Variants in ASB13 observed in about 807,000 individuals in gnomAD.
The protein encoded by ASB13 is ankyrin repeat and SOCS box protein 13.
ASB13 carries 33 observed loss-of-function variants against 28.8 expected under a neutral mutation model. That is an observed-to-expected ratio of 1.15 (90% CI 0.87 to 1.53). The LOEUF is 1.53. Among genes scored for constraint, ASB13 ranks in the 40% most tolerant of loss-of-function variants. The probability of loss-of-function intolerance (pLI) is 0.00; values close to 1 mark genes in which losing one functional copy is unlikely to be tolerated. For missense variants in ASB13, 414 were observed against 390.1 expected (o/e 1.06, Z -0.52); for synonymous variants, 182 against 172.9 (o/e 1.05, Z -0.41).
rs1312383038 is a variant in ASB13, at chr10:5,658,610, G to A, written c.44-5560C>T. On this transcript the variant is annotated intron_variant, in intron 1 of 5. Transcript: ENST00000357700. This position sits in a 1 kb window ranked among gnomAD's most constrained non-coding sequence, Gnocchi z 4.2. ...TGGGGACAGAATTTCAGTTTTACAG[G>A]ATGAAAAAGTTCTAGAGATCTGTTA... is the stretch of plus-strand genomic sequence containing the variant. Among the ~76,000 whole-genome samples the A allele has an allele frequency of 6.6e-6, 1 of 152,116 alleles. No individual in the cohort carries two copies. The highest frequency in any genetic ancestry group is 1.5e-5 in the Non-Finnish European group (1 of 68,016).
intron 1 of ASB13, among the ~76,000 whole-genome samples, chr10:5,662,002 C>T (rs956595117): frequency 7.2e-5 from 11 of 152,040 alleles, no homozygotes; most frequent in African/African-American, 2.2e-4. Context: ...CCCATAAAGC[C>T]GGGCTGGGGC....
Position 5,651,306 on chromosome 10 carries a change from T to A in ASB13, c.289A>T (p.Ser97Cys). 6.2e-7 allele frequency: 1 copy of A among 1,613,990 alleles called. No homozygotes were observed. ...AGCAAGAGCTTCACACACTCGATGC[T>A]GCCCGAGGCGCAGGCATCGCAGAGC... is the stretch of plus-strand genomic sequence containing the variant. ...TPLCDACASGSIECVKLLLSY... is the reference protein window; with the variant it reads ...TPLCDACASGCIECVKLLLSY... The change falls in exon 3 of 6, where the codon AGC becomes TGC. Residue 97 changes from serine to cysteine, a missense_variant. Physicochemically the swap from Ser to Cys is moderately radical, Grantham distance 112. Transcript: ENST00000357700. This position sits in a 1 kb window ranked among gnomAD's most constrained non-coding sequence, Gnocchi z 5.1.
chr10:5,665,106 C>T (rs986076510), intron 1 of ASB13, among the ~76,000 whole-genome samples: 2 of 152,222 alleles, frequency 1.3e-5, no homozygotes, highest in Non-Finnish European at 2.9e-5. Flanking sequence ...ATCCACCTGC[C>T]TCGGCCTCCC....
In ASB13 at chr10:5,644,591, G is replaced by A. The variant is rs1834855075; in HGVS notation, c.518-2630C>T. Among the ~76,000 whole-genome samples the A allele has an allele frequency of 6.6e-6, 1 of 152,148 alleles. No homozygotes were observed. The highest frequency in any genetic ancestry group is 6.5e-5 in the Admixed American group (1 of 15,276). On this transcript the variant is annotated intron_variant, in intron 4 of 5. Coordinates refer to ENST00000357700, the MANE Select transcript of ASB13 (RefSeq NM_024701.4). This position sits in a 1 kb window ranked among gnomAD's most constrained non-coding sequence, Gnocchi z 5.1. The stretch of plus-strand genomic sequence containing the variant: ...CCAGCACTTTGAGAGCCTGAGGCGG[G>A]CAGATCACCTGAGGTCAGGAGTTCA...
At position 5,664,983 on chromosome 10, in the gene ASB13, A is replaced by G. The variant is rs1049247492; in HGVS notation, c.43+1526T>C. ...GTGATTCTTCTGCCTCAGTCTCCCA[A>G]GTAGCTGGAACTACAGGCACCCGCC... On this transcript the variant is annotated intron_variant, in intron 1 of 5. Transcript: ENST00000357700. The surrounding 1 kb of genome is among the most constrained non-coding windows in gnomAD (Gnocchi z 4.2). Among the ~76,000 whole-genome samples the G allele has an allele frequency of 2.0e-5, 3 of 152,080 alleles. No homozygotes were observed. Among genetic ancestry groups the G allele is most frequent in the African/African-American group, 7.2e-5 (3 of 41,474 alleles).
chr10:5,651,330 G>C lies in ASB13; in HGVS notation c.265C>G (p.Leu89Val). The C allele has an allele frequency of 6.2e-7, 1 of 1,613,112 alleles. No homozygotes were observed. The highest frequency in any genetic ancestry group is 1.7e-5 in the Admixed American group (1 of 59,816). Reference sequence around the variant, plus strand: ...CTGCCCGAGGCGCAGGCATCGCAGAGCGGGGTGCTGCCGTCGATGTTGCGA... The same window carrying C: ...CTGCCCGAGGCGCAGGCATCGCAGACCGGGGTGCTGCCGTCGATGTTGCGA... ...DARNIDGSTP[L>V]CDACASGSIE... The change falls in exon 3 of 6, where the codon CTC becomes GTC. Residue 89 changes from leucine (L) to valine (V), a missense_variant. By Grantham distance (32) the Leu-to-Val change is conservative. Transcript: ENST00000357700. The surrounding 1 kb of genome is among the most constrained non-coding windows in gnomAD (Gnocchi z 5.1).
intron 4 of ASB13, among the ~76,000 whole-genome samples, chr10:5,648,250 G>A (rs1834918626): frequency 6.7e-6 from 1 of 150,288 alleles, no homozygotes; most frequent in Non-Finnish European, 1.5e-5. Flanking sequence ...CACCCACTCA[G>A]GTAAACACCC....
At position 5,663,597 on chromosome 10, in the gene ASB13, C is replaced by T. The variant is rs534298940; in HGVS notation, c.43+2912G>A. ...AAGGGACCTGAGGGACGCTTTTCAC[C>T]CTAAATCACCTAAGCCTCAGTTTCC... On this transcript the variant is annotated intron_variant, in intron 1 of 5. Coordinates refer to ENST00000357700, the MANE Select transcript of ASB13 (RefSeq NM_024701.4). This position sits in a 1 kb window ranked among gnomAD's most constrained non-coding sequence, Gnocchi z 4.9. Among the ~76,000 whole-genome samples the T allele has an allele frequency of 2.0e-5, 3 of 152,160 alleles. No individual in the cohort carries two copies. The highest frequency in any genetic ancestry group is 4.4e-5 in the Non-Finnish European group (3 of 68,022).
chr10:5,665,759 A>G (rs2131461951), intron 1 of ASB13, among the ~76,000 whole-genome samples: 1 of 152,286 alleles, frequency 6.6e-6, no homozygotes, highest in South Asian at 2.1e-4. Flanking sequence ...TTTCCCTCTT[A>G]GGTGCACTAC....
intron 1 of ASB13, among the ~76,000 whole-genome samples, chr10:5,662,637 A>AGAAGAGAAGAGAAGAGAAGAG (rs1554744190): frequency 6.9e-6 from 1 of 144,778 alleles, no homozygotes; most frequent in South Asian, 2.3e-4. Context: ...AGAAGAGAAG[A>AGAAGAGAAGAGAAGAGAAGAG]GATGAGATCC....
At position 5,651,320 on chromosome 10, in the gene ASB13, G is replaced by T; in HGVS notation, c.275C>A (p.Ala92Asp). ...NIDGSTPLCD[A>D]CASGSIECVK... is the part of the protein sequence containing the mutation. ...ACACTCGATGCTGCCCGAGGCGCAG[G>T]CATCGCAGAGCGGGGTGCTGCCGTC... Residue 92 changes from alanine to aspartate, a missense_variant, in exon 3 of 6, where the codon GCC (alanine) becomes GAC (aspartate). By Grantham distance (126) the Ala-to-Asp change is moderately radical. Transcript: ENST00000357700. This position sits in a 1 kb window ranked among gnomAD's most constrained non-coding sequence, Gnocchi z 5.1. 2 of 1,613,608 alleles carry T rather than the reference G, an allele frequency of 1.2e-6. No individual in the cohort carries two copies. The highest frequency in any genetic ancestry group is 1.7e-6 in the Non-Finnish European group (2 of 1,179,800).
rs940481152 is a variant in ASB13, at chr10:5,653,112, A to G, written c.44-62T>C. 18 of 1,444,174 alleles carry G rather than the reference A, an allele frequency of 1.2e-5. No individual in the cohort carries two copies. The Admixed American group carries it at 1.9e-4, about 16-fold the overall frequency. 89.5% of individuals were successfully genotyped at this position (1,444,174 alleles called of 1,614,324 possible). A position where few individuals can be genotyped will look rare whatever the true frequency, so the allele number is the denominator to read the frequency against. On this transcript the variant is annotated intron_variant, in intron 1 of 5. Transcript: ENST00000357700. ...ACTTCCATCCAGGACAAATGAGCAC[A>G]CGTAAGACTCCAGGGTCCCTGATGC...
In ASB13 at chr10:5,642,035, C is replaced by T; in HGVS notation, c.518-74G>A. 3 of 1,438,848 alleles carry T rather than the reference C, an allele frequency of 2.1e-6. No individual in the cohort carries two copies. The highest frequency in any genetic ancestry group is 1.4e-5 in the African/African-American group (1 of 72,050). The allele number at this position is 1,438,848 out of a possible 1,614,324, so 89.1% of individuals were successfully genotyped here. On this transcript the variant is annotated intron_variant, in intron 4 of 5. Transcript: ENST00000357700. This position sits in a 1 kb window ranked among gnomAD's most constrained non-coding sequence, Gnocchi z 4.1. ...GTCAGGGGGACAATCAGGTCCGTTT[C>T]GTCACACAGCACGGTGGCAGAAGCA...
chr10:5,660,085 G>A lies in ASB13; in HGVS notation c.43+6424C>T, dbSNP rs562750788. 2.6e-5 allele frequency among the ~76,000 whole-genome samples: 4 copies of A among 152,274 alleles called. No individual in the cohort carries two copies. In the East Asian group the frequency reaches 5.8e-4, roughly 22 times the overall value. Reference sequence around the variant, plus strand: ...CTCCTCTGCTTCAGGTCAGGGTCACGGTGTTACACACTATGGCTCCTCCTG... The same window carrying A: ...CTCCTCTGCTTCAGGTCAGGGTCACAGTGTTACACACTATGGCTCCTCCTG... On this transcript the variant is annotated intron_variant, in intron 1 of 5. Coordinates refer to ENST00000357700, the MANE Select transcript of ASB13 (RefSeq NM_024701.4). The surrounding 1 kb of genome is among the most constrained non-coding windows in gnomAD (Gnocchi z 6.1).
At position 5,640,815 on chromosome 10, in the gene ASB13, A is replaced by T. The variant is rs1834798749; in HGVS notation, c.725T>A (p.Leu242Gln). The T allele has an allele frequency of 6.2e-7, 1 of 1,614,080 alleles. No individual in the cohort carries two copies. The highest frequency in any genetic ancestry group is 1.3e-5 in the African/African-American group (1 of 74,922). ...CAAGTTCACCCTGCAGAGCTGTGAC[A>T]GAGTCAGAGGTGTCTCTGAAAAAGG... ...FEYYEKTPLT[L>Q]SQLCRVNLRK... Residue 242 changes from leucine to glutamine, a missense_variant, in exon 6 of 6, where the codon CTG (leucine) becomes CAG (glutamine). Transcript: ENST00000357700.
chr10:5,653,542 G>C (rs916905524), intron 1 of ASB13, among the ~76,000 whole-genome samples: 67 of 152,210 alleles, frequency 4.4e-4, no homozygotes, highest in African/African-American at 1.6e-3. Context: ...CGAGTGCCTT[G>C]AGAATCCCTG....
rs968818508 is a variant in ASB13, at chr10:5,651,919, T to C, written c.232-556A>G. 4.7e-5 allele frequency among the ~76,000 whole-genome samples: 7 copies of C among 150,176 alleles called. No individual in the cohort carries two copies. The highest frequency in any genetic ancestry group is 5.9e-5 in the Non-Finnish European group (4 of 67,768). ...CAGGAGGCTGAGGTGGAAGGATCAC[T>C]TGAGTCAAGGAGGATGAGGTTGCAG... is the stretch of plus-strand genomic sequence containing the variant. On this transcript the variant is annotated intron_variant, in intron 2 of 5. Transcript: ENST00000357700. This position sits in a 1 kb window ranked among gnomAD's most constrained non-coding sequence, Gnocchi z 5.1.
rs1564514589 is a variant in ASB13, at chr10:5,640,702, TTCA to T, written c.835_837del (p.Ter279delextTer33). 2 of 1,613,902 alleles carry T rather than the reference TTCA, an allele frequency of 1.2e-6. No individual in the cohort carries two copies. Among genetic ancestry groups the T allele is most frequent in the Non-Finnish European group, 1.7e-6 (2 of 1,179,964 alleles). On this transcript the variant is annotated stop_lost and inframe_deletion, in exon 6 of 6. Coordinates refer to ENST00000357700, the MANE Select transcript of ASB13 (RefSeq NM_024701.4). The stretch of plus-strand genomic sequence containing the variant: ...GCCACGGTCCGGACCCCACCTGCAA[TTCA>T]GTTGTAGGAGAGGTAATCAATGAGC...
At position 5,651,595 on chromosome 10, in the gene ASB13, A is replaced by T; in HGVS notation, c.232-232T>A. The T allele has an allele frequency of 2.0e-6, 1 of 508,596 alleles. No individual in the cohort carries two copies. The highest frequency in any genetic ancestry group is 3.5e-6 in the Non-Finnish European group (1 of 287,850). The allele number at this position is 508,596 out of a possible 1,614,324, so 31.5% of individuals were successfully genotyped here. A position where few individuals can be genotyped will look rare whatever the true frequency, so the allele number is the denominator to read the frequency against. On this transcript the variant is annotated intron_variant, in intron 2 of 5. Coordinates refer to ENST00000357700, the MANE Select transcript of ASB13 (RefSeq NM_024701.4). This position sits in a 1 kb window ranked among gnomAD's most constrained non-coding sequence, Gnocchi z 5.1. ...GGATTCTTTTCTCTCAGGGCAGGAT[A>T]AGCTCAGCAGCCCCCTCGCCACCCC... is the stretch of plus-strand genomic sequence containing the variant.
Sources: gnomAD v4.1 joint callset for allele counts (sites outside exome capture counted in the v4.1 genomes callset) on GRCh38, gnomAD v4.1.1 for gene constraint, Gnocchi (gnomAD v3.1) non-coding constraint, MANE v1.5 for transcripts, NCBI Gene and HGNC (gene_info 2026-07-23, HGNC 2026-07-21) for gene names.